Variants in IL1RAPL2 observed in about 807,000 individuals in gnomAD.
IL1RAPL2 encodes X-linked interleukin-1 receptor accessory protein-like 2.
IL1RAPL2 carries 3 observed loss-of-function variants against 44.1 expected under a neutral mutation model. The ratio of observed to expected loss-of-function variants is 0.07; its 90% CI spans 0.03 to 0.18. IL1RAPL2 has a LOEUF of 0.18. IL1RAPL2 is among the 10% of genes least tolerant of loss of function. The pLI, the probability that IL1RAPL2 is intolerant of heterozygous loss-of-function variation, is 1.00. For missense variants in IL1RAPL2, 391 were observed against 496.4 expected, an observed-to-expected ratio of 0.79 and a Z score of 2.02; for synonymous variants, 181 against 178.8, an observed-to-expected ratio of 1.01 and a Z score of -0.10.
chrX:104,621,972 C>T (rs1929409159), intron 1 of IL1RAPL2, among the ~76,000 whole-genome samples: 1 of 111,048 alleles, frequency 9.0e-6, no homozygotes, highest in Admixed American at 9.7e-5. Context: ...CATGTAAAGA[C>T]ATTCTGGCTC....
At chrX:104,658,867 C>G (rs758890314) in intron 1 of IL1RAPL2, 28 bp from the exon 2 acceptor site, 1 of 1,037,441 alleles carries the variant, frequency 9.6e-7, no homozygotes, top group African/African-American at 1.9e-5. Context: ...GTGGTTCAAA[C>G]TTTATATCCT....
chrX:105,199,952 T>C (rs782410877), intron 3 of IL1RAPL2, among the ~76,000 whole-genome samples: 3 of 111,665 alleles, frequency 2.7e-5, no homozygotes, highest in African/African-American at 6.5e-5. Context: ...AGCTAGCATA[T>C]GTCTGTGAAT....
chrX:105,146,943 A>G lies in IL1RAPL2; in HGVS notation c.83-48532A>G, dbSNP rs536570621. Among the ~76,000 whole-genome samples the G allele has an allele frequency of 3.6e-5, 4 of 111,751 alleles. No individual in the cohort carries two copies. In the Middle Eastern group the frequency reaches 0.019, roughly 520 times the overall value. The stretch of plus-strand genomic sequence containing the variant: ...AGATTTTGGATTTAAAGGTTTTCTG[A>G]TTTGTGATTGGTTGAGTAGGCAAAG... On this transcript the variant is annotated intron_variant, in intron 2 of 10. Coordinates refer to ENST00000372582, the MANE Select transcript of IL1RAPL2 (RefSeq NM_017416.2).
intron 5 of IL1RAPL2, among the ~76,000 whole-genome samples, chrX:105,392,903 C>T (rs2035536830): frequency 8.9e-6 from 1 of 112,208 alleles, no homozygotes; most frequent in African/African-American, 3.2e-5. Context: ...TGTCTGTTGG[C>T]TCTACTCTTT....
At chrX:105,674,116 G>T (rs1019633819) in intron 6 of IL1RAPL2, among the ~76,000 whole-genome samples, 3 of 111,755 alleles carry the variant, frequency 2.7e-5, no homozygotes, top group Non-Finnish European at 3.8e-5. Flanking sequence ...CCACTGTGTA[G>T]GTTGCCTGTT....
At chrX:105,356,178 GT>G (rs2035201519) in intron 5 of IL1RAPL2, among the ~76,000 whole-genome samples, 1 of 100,122 alleles carries the variant, frequency 1.0e-5, no homozygotes, top group African/African-American at 4.9e-5. Flanking sequence ...GTGTGTGTGT[GT>G]GTGTGGTTTG....
At chrX:105,207,455 C>A (rs1425116892) in intron 3 of IL1RAPL2, among the ~76,000 whole-genome samples, 1 of 111,538 alleles carries the variant, frequency 9.0e-6, no homozygotes, top group African/African-American at 3.3e-5. Context: ...CCATTTGTAA[C>A]CCACAGCAAC....
intron 2 of IL1RAPL2, among the ~76,000 whole-genome samples, chrX:104,793,009 G>C (rs1932833452): frequency 8.9e-6 from 1 of 111,884 alleles, no homozygotes; most frequent in African/African-American, 3.2e-5. Flanking sequence ...TTAAATGTTG[G>C]TGTTAAGACT....
At chrX:105,549,680 A>G (rs1027536333) in intron 6 of IL1RAPL2, among the ~76,000 whole-genome samples, 5 of 111,362 alleles carry the variant, frequency 4.5e-5, no homozygotes, top group African/African-American at 1.6e-4. Context: ...GTTTTTCTCA[A>G]CTTGTTCACT....
Position 105,098,170 on chromosome X carries a change from G to A in IL1RAPL2, c.83-97305G>A, listed in dbSNP as rs4826913. Among the ~76,000 whole-genome samples, 816 of 111,959 alleles carry A rather than the reference G, an allele frequency of 7.3e-3. 34 individuals are homozygous for A. Among genetic ancestry groups the A allele is most frequent in the Admixed American group, 0.071 (753 of 10,590 alleles). ...GAGGTGAAATGTCCTTTTTATAGCT[G>A]GCCAATTCTGAATTTTAATATTATC... On this transcript the variant is annotated intron_variant, in intron 2 of 10. Transcript: ENST00000372582.
intron 2 of IL1RAPL2, among the ~76,000 whole-genome samples, chrX:104,764,210 T>C (rs779662021): frequency 9.1e-6 from 1 of 110,309 alleles, no homozygotes; most frequent in African/African-American, 3.3e-5. Flanking sequence ...TTTTTTTTCA[T>C]TTTTTGGTGT....
chrX:105,008,960 A>G (rs961740481), intron 2 of IL1RAPL2, among the ~76,000 whole-genome samples: 5 of 112,341 alleles, frequency 4.5e-5, no homozygotes, highest in African/African-American at 1.6e-4. Context: ...ACACTTCTCA[A>G]AAGAAGACAT....
chrX:104,890,601 G>C (rs1923400259), intron 2 of IL1RAPL2, among the ~76,000 whole-genome samples: 1 of 112,374 alleles, frequency 8.9e-6, no homozygotes, highest in Non-Finnish European at 1.9e-5. Flanking sequence ...GTCTTCTTTT[G>C]AGAAATATCT....
chrX:105,054,436 G>T (rs1312882680), intron 2 of IL1RAPL2, among the ~76,000 whole-genome samples: 1 of 111,390 alleles, frequency 9.0e-6, no homozygotes, highest in Non-Finnish European at 1.9e-5. Context: ...ACATATGTCT[G>T]TTTACTTTTA....
chrX:104,910,705 T>G (rs185077737), intron 2 of IL1RAPL2, among the ~76,000 whole-genome samples: 1 of 112,126 alleles, frequency 8.9e-6, no homozygotes, highest in Non-Finnish European at 1.9e-5. Context: ...CCTAATAGTT[T>G]TTAAAAATTT....
At chrX:105,382,892 T>G (rs1326007141) in intron 5 of IL1RAPL2, among the ~76,000 whole-genome samples, 2 of 99,690 alleles carry the variant, frequency 2.0e-5, no homozygotes, top group East Asian at 6.6e-4. Context: ...CACCGCATGT[T>G]CTCACTCATA....
At chrX:105,194,875 G>C (rs2033661422) in intron 2 of IL1RAPL2, among the ~76,000 whole-genome samples, 1 of 111,579 alleles carries the variant, frequency 9.0e-6, no homozygotes, top group Non-Finnish European at 1.9e-5. Context: ...TGGAATCAGA[G>C]ACTGGTCTTC....
chrX:105,060,585 C>CTTTTTTTTTTTTTTTTTTTTTTTTT (rs1161187469), intron 2 of IL1RAPL2, among the ~76,000 whole-genome samples: 29 of 70,173 alleles, frequency 4.1e-4, no homozygotes, highest in African/African-American at 8.6e-4. Context: ...TTTTCTTTTT[C>CTTTTTTTTTTTTTTTTTTTTTTTTT]TTTTTTTTTT....
At chrX:105,675,299 G>A (rs1057234805) in intron 6 of IL1RAPL2, among the ~76,000 whole-genome samples, 6 of 111,306 alleles carry the variant, frequency 5.4e-5, no homozygotes, top group Admixed American at 2.9e-4. Context: ...CTGTGGGTTT[G>A]TCATAAGTGG....
Sources: allele counts gnomAD v4.1 joint callset (sites outside exome capture counted in the v4.1 genomes callset), GRCh38; gene constraint gnomAD v4.1.1; transcripts MANE v1.5; gene names NCBI Gene and HGNC (gene_info 2026-07-23, HGNC 2026-07-21).